Variants in TSHR observed in about 807,000 individuals in gnomAD.
The protein encoded by TSHR is thyrotropin receptor.
TSHR carries 51 observed loss-of-function variants against 64.1 expected under a neutral mutation model. That is an observed-to-expected ratio of 0.80 (90% confidence interval 0.64 to 1.01). The LOEUF (loss-of-function observed/expected upper bound fraction) is 1.01. Ranked by LOEUF, TSHR falls within the 50% of genes least tolerant of loss-of-function variation. TSHR has a pLI of 0.00. For missense variants in TSHR, 877 were observed against 942.8 expected (o/e 0.93, Z 0.91); for synonymous variants, 361 against 361.9 (o/e 1.00, Z 0.03).
At chr14:80,974,265 T>G (rs1366546068) in intron 1 of TSHR, among the ~76,000 whole-genome samples, 1 of 152,200 alleles carries the variant, frequency 6.6e-6, no homozygotes, top group African/African-American at 2.4e-5. Context: ...ACAGCTTTAT[T>G]AGGAAGAGCA....
intron 1 of TSHR, among the ~76,000 whole-genome samples, chr14:81,020,621 G>C (rs565411332): frequency 1.3e-5 from 2 of 152,326 alleles, no homozygotes; most frequent in African/African-American, 4.8e-5. Flanking sequence ...AGAGAGGCTT[G>C]ACTGCATAGA....
chr14:81,142,363 C>T (rs188419769), intron 9 of TSHR, among the ~76,000 whole-genome samples: 153 of 151,376 alleles, frequency 1.0e-3, no homozygotes, highest in African/African-American at 3.6e-3. Context: ...TGAGTCACTA[C>T]AGGTGTGAGC....
intron 1 of TSHR, chr14:80,983,036 A>G (rs765085280): frequency 4.7e-5 from 26 of 547,538 alleles, no homozygotes; most frequent in Non-Finnish European, 7.0e-5. Flanking sequence ...ATGGGTATCC[A>G]TAACGTTCAC....
Position 81,144,377 on chromosome 14 carries a change from GGTAGGGGAACTTACAAAATAATA to G in TSHR, c.*27_*49del. 1 of 1,609,970 alleles carries G rather than the reference GGTAGGGGAACTTACAAAATAATA, an allele frequency of 6.2e-7. No individual in the cohort carries two copies. ...AAGTTAACACTACACTACTCACAAT[GGTAGGGGAACTTACAAAATAATA>G]GTTTCTTGAATATGCATTCCAATCC... On this transcript the variant is annotated 3_prime_UTR_variant, in exon 10 of 10. Transcript: ENST00000298171.
At chr14:81,136,022 G>A (rs969554134) in intron 8 of TSHR, among the ~76,000 whole-genome samples, 6 of 152,198 alleles carry the variant, frequency 3.9e-5, no homozygotes, top group Non-Finnish European at 8.8e-5. Context: ...ATGTCTTCAA[G>A]TATAATAGAT....
intron 3 of TSHR, among the ~76,000 whole-genome samples, chr14:81,071,348 T>A (rs1336820859): frequency 6.6e-6 from 1 of 152,210 alleles, no homozygotes; most frequent in Non-Finnish European, 1.5e-5. Flanking sequence ...CAATAGAATA[T>A]CTTTTCAATA....
chr14:81,133,223 A>G (rs1226240539), intron 8 of TSHR, among the ~76,000 whole-genome samples: 2 of 152,210 alleles, frequency 1.3e-5, no homozygotes, highest in Non-Finnish European at 2.9e-5. Context: ...ATGAGAAAGG[A>G]GTTTTTCCTA....
intron 3 of TSHR, among the ~76,000 whole-genome samples, chr14:81,078,532 C>T (rs1887664248): frequency 6.6e-6 from 1 of 152,096 alleles, no homozygotes; most frequent in African/African-American, 2.4e-5. Context: ...TGCCGAACTT[C>T]GTGGATTTAT....
chr14:81,013,466 G>T (rs1212495982), intron 1 of TSHR: 2 of 152,164 alleles, frequency 1.3e-5, no homozygotes, highest in East Asian at 3.8e-4. Flanking sequence ...AGACATATAA[G>T]TAGGTTTTTT....
intron 6 of TSHR, 34 bp downstream of exon 6, chr14:81,092,642 TA>T: frequency 6.3e-7 from 1 of 1,597,178 alleles, no homozygotes; most frequent in Non-Finnish European, 8.6e-7. Context: ...CTCCATCAAC[TA>T]AATTCTATTT....
chr14:80,964,822 C>T (rs899379521), intron 1 of TSHR, among the ~76,000 whole-genome samples: 3 of 152,152 alleles, frequency 2.0e-5, no homozygotes, highest in South Asian at 2.1e-4. Flanking sequence ...AAATGAAAAT[C>T]GCCTGACCTT....
At chr14:80,997,099 A>G (rs1345805720) in intron 1 of TSHR, among the ~76,000 whole-genome samples, 1 of 152,158 alleles carries the variant, frequency 6.6e-6, no homozygotes, top group Non-Finnish European at 1.5e-5. Flanking sequence ...TAAGAGGCAG[A>G]TTTTATTGCT....
chr14:81,019,202 C>T (rs1237300382), intron 1 of TSHR, among the ~76,000 whole-genome samples: 3 of 151,838 alleles, frequency 2.0e-5, no homozygotes. Context: ...GGCTTGGTGG[C>T]GGGCACCTGT....
intron 9 of TSHR, among the ~76,000 whole-genome samples, chr14:81,140,204 C>A (rs1489032220): frequency 6.6e-6 from 1 of 152,160 alleles, no homozygotes; most frequent in African/African-American, 2.4e-5. Context: ...GATACTGCAA[C>A]ACATATTAGA....
chr14:81,030,726 T>G (rs996736000), intron 1 of TSHR, among the ~76,000 whole-genome samples: 19 of 152,304 alleles, frequency 1.2e-4, no homozygotes, highest in African/African-American at 4.6e-4. Context: ...CACTTAGTCT[T>G]TTTCATTCAA....
intron 3 of TSHR, among the ~76,000 whole-genome samples, chr14:81,085,292 G>A (rs967039015): frequency 6.6e-6 from 1 of 152,134 alleles, no homozygotes; most frequent in African/African-American, 2.4e-5. Context: ...TCACCATTTA[G>A]CTAAACTACT....
chr14:81,103,421 C>A lies in TSHR; in HGVS notation c.615-4954C>A. On this transcript the variant is annotated intron_variant, in intron 7 of 9. Coordinates refer to ENST00000298171, the MANE Select transcript of TSHR (RefSeq NM_000369.5). This position sits in a 1 kb window ranked among gnomAD's most constrained non-coding sequence, Gnocchi z 4.1. ...AAAGAGCAATCATCCCCTATCATTC[C>A]ACTTCATGACAATTTACTGAAATTA... is the stretch of plus-strand genomic sequence containing the variant. The A allele has an allele frequency of 1.0e-6, 1 of 985,434 alleles. No homozygotes were observed. The highest frequency in any genetic ancestry group is 1.2e-6 in the Non-Finnish European group (1 of 829,944). 61.0% of individuals were successfully genotyped at this position (985,434 alleles called of 1,614,324 possible). A position where few individuals can be genotyped will look rare whatever the true frequency, so the allele number is the denominator to read the frequency against.
At chr14:81,100,775 C>T (rs932886436) in intron 7 of TSHR, among the ~76,000 whole-genome samples, 3 of 152,242 alleles carry the variant, frequency 2.0e-5, no homozygotes, top group Admixed American at 2.0e-4. Context: ...GAGTGCAGAG[C>T]TTCCATGCCC....
intron 1 of TSHR, among the ~76,000 whole-genome samples, chr14:80,979,239 T>A (rs1185694814): frequency 9.6e-6 from 1 of 103,884 alleles, no homozygotes; most frequent in Non-Finnish European, 2.2e-5. Flanking sequence ...ATATGTGGAG[T>A]CTAACAACAT....
Sources: allele counts gnomAD v4.1 joint callset (sites outside exome capture counted in the v4.1 genomes callset), GRCh38; gene constraint gnomAD v4.1.1; non-coding constraint Gnocchi (gnomAD v3.1); transcripts MANE v1.5; gene names NCBI Gene and HGNC (gene_info 2026-07-23, HGNC 2026-07-21).